Variants in RIT2 observed in about 807,000 individuals in gnomAD.
RIT2 encodes the protein Ras like without CAAX 2, also known as GTP-binding protein Rit2.
In RIT2, 24 loss-of-function variants were observed where a neutral mutation model predicts 23.7. The ratio of observed to expected loss-of-function variants is 1.01; its 90% confidence interval spans 0.73 to 1.43. The LOEUF (loss-of-function observed/expected upper bound fraction) is 1.43, where lower values mean the gene tolerates loss of function less well. Among genes scored for constraint, RIT2 ranks in the 40% most tolerant of loss-of-function variants. The probability of loss-of-function intolerance (pLI) is 0.00; values close to 1 mark genes in which losing one functional copy is unlikely to be tolerated. For synonymous variants in RIT2, 107 were observed against 91.1 expected (o/e 1.17, Z -0.99); for missense variants, 236 against 266.9 (o/e 0.88, Z 0.81).
At chr18:42,836,629 C>T (rs773998763) in intron 4 of RIT2, among the ~76,000 whole-genome samples, 1 of 152,086 alleles carries the variant, frequency 6.6e-6, no homozygotes, top group African/African-American at 2.4e-5. Flanking sequence ...AGAAAAGGAA[C>T]GTTAAGCCCC....
intron 2 of RIT2, among the ~76,000 whole-genome samples, chr18:43,020,228 T>C (rs1911563886): frequency 6.6e-6 from 1 of 152,124 alleles, no homozygotes; most frequent in Admixed American, 6.6e-5. Context: ...CTCACGCCTG[T>C]AATCCCAGCA....
chr18:42,851,402 C>G (rs910603941), intron 4 of RIT2, among the ~76,000 whole-genome samples: 2 of 152,132 alleles, frequency 1.3e-5, no homozygotes, highest in Admixed American at 6.5e-5. Context: ...GGAAGCAAAA[C>G]AAGACAAAAG....
intron 1 of RIT2, among the ~76,000 whole-genome samples, chr18:43,080,882 T>A (rs191529120): frequency 5.8e-4 from 89 of 152,296 alleles, no homozygotes; most frequent in African/African-American, 2.0e-3. Flanking sequence ...GATGACCATG[T>A]AATTTACTAT....
intron 1 of RIT2, among the ~76,000 whole-genome samples, chr18:43,038,583 T>A (rs528253553): frequency 6.6e-6 from 1 of 152,126 alleles, no homozygotes; most frequent in Non-Finnish European, 1.5e-5. Flanking sequence ...ACAATTTCTT[T>A]TTTCTCAGTA....
At chr18:42,970,934 T>G (rs985580841) in intron 3 of RIT2, among the ~76,000 whole-genome samples, 1 of 151,966 alleles carries the variant, frequency 6.6e-6, no homozygotes, top group African/African-American at 2.4e-5. Context: ...CCATGAAGCT[T>G]GCAATGGGCA....
At chr18:43,049,508 A>G (rs930919383) in intron 1 of RIT2, among the ~76,000 whole-genome samples, 29 of 152,178 alleles carry the variant, frequency 1.9e-4, no homozygotes, top group Admixed American at 1.8e-3. Flanking sequence ...GGTAAATTCT[A>G]TCTTCAAGGA....
intron 2 of RIT2, among the ~76,000 whole-genome samples, chr18:42,980,685 A>G (rs1490725672): frequency 1.3e-5 from 2 of 152,234 alleles, no homozygotes; most frequent in South Asian, 2.1e-4. Flanking sequence ...CCTTGCCAAG[A>G]ACAGAAAACC....
intron 4 of RIT2, among the ~76,000 whole-genome samples, chr18:42,751,561 CA>C (rs1913046509): frequency 6.6e-6 from 1 of 151,814 alleles, no homozygotes; most frequent in Non-Finnish European, 1.5e-5. Context: ...AGCAAAACAG[CA>C]CCTTTAATAA....
chr18:42,894,018 G>A (rs1379758631), intron 4 of RIT2, among the ~76,000 whole-genome samples: 1 of 152,202 alleles, frequency 6.6e-6, no homozygotes, highest in East Asian at 1.9e-4. Flanking sequence ...ATTGTAAACT[G>A]TATTCAGGAC....
At chr18:43,108,348 G>A (rs921772291) in intron 1 of RIT2, among the ~76,000 whole-genome samples, 3 of 93,110 alleles carry the variant, frequency 3.2e-5, no homozygotes, top group Non-Finnish European at 4.5e-5. Flanking sequence ...GCCATATTAC[G>A]TGTGTGTGTG....
At chr18:42,945,551 G>A (rs1410138041) in intron 3 of RIT2, among the ~76,000 whole-genome samples, 5 of 152,140 alleles carry the variant, frequency 3.3e-5, no homozygotes, top group Non-Finnish European at 7.4e-5. Flanking sequence ...CAAACATTAT[G>A]GGTGGTGTTG....
chr18:42,785,003 A>G (rs905755388), intron 4 of RIT2, among the ~76,000 whole-genome samples: 28 of 152,146 alleles, frequency 1.8e-4, no homozygotes, highest in African/African-American at 6.5e-4. Flanking sequence ...ATTTAAATGT[A>G]ATATTTAATT....
intron 4 of RIT2, among the ~76,000 whole-genome samples, chr18:42,821,409 A>G (rs772692296): frequency 2.0e-5 from 3 of 152,174 alleles, no homozygotes; most frequent in Non-Finnish European, 4.4e-5. Context: ...TAGACAGTTC[A>G]TGCTGTGAAA....
intron 3 of RIT2, among the ~76,000 whole-genome samples, chr18:42,965,587 AAAAT>A (rs1470140941): frequency 6.6e-6 from 1 of 152,132 alleles, no homozygotes; most frequent in South Asian, 2.1e-4. Context: ...GGAAAAGCTG[AAAAT>A]AAATACTCCT....
intron 3 of RIT2, among the ~76,000 whole-genome samples, chr18:42,931,442 A>G (rs78146423): frequency 0.05 from 7,633 of 152,212 alleles, 221 homozygotes; most frequent in Middle Eastern, 0.071. Context: ...TCCTTATTTC[A>G]TTCTCTAGCA....
At chr18:43,035,887 A>G (rs1382878142) in intron 1 of RIT2, among the ~76,000 whole-genome samples, 1 of 152,202 alleles carries the variant, frequency 6.6e-6, no homozygotes, top group East Asian at 1.9e-4. Flanking sequence ...ATCTGTTCTT[A>G]CCAATTTAAC....
intron 4 of RIT2, among the ~76,000 whole-genome samples, chr18:42,806,100 AATATATATATATATAT>A (rs58214096): frequency 7.1e-6 from 1 of 140,034 alleles, no homozygotes; most frequent in South Asian, 2.3e-4. Context: ...TAATAAAATT[AATATATATATATATAT>A]ATATATATAT....
At chr18:42,881,085 C>T (rs898394796) in intron 4 of RIT2, among the ~76,000 whole-genome samples, 8 of 152,120 alleles carry the variant, frequency 5.3e-5, no homozygotes, top group African/African-American at 1.4e-4. Context: ...GGATTACAGG[C>T]GTGAGCCACT....
At chr18:43,055,854 G>A (rs1334852583) in intron 1 of RIT2, among the ~76,000 whole-genome samples, 1 of 152,090 alleles carries the variant, frequency 6.6e-6, no homozygotes, top group African/African-American at 2.4e-5. Flanking sequence ...GCAAGGATGT[G>A]AATGCAGAGA....
Sources: gnomAD v4.1 joint callset for allele counts (sites outside exome capture counted in the v4.1 genomes callset) on GRCh38, gnomAD v4.1.1 for gene constraint, MANE v1.5 for transcripts, NCBI Gene and HGNC (gene_info 2026-07-23, HGNC 2026-07-21) for gene names.